The following ANO2 variants were observed in gnomAD, a reference collection of about 807,000 sequenced individuals.
ANO2 encodes anoctamin-2.
ANO2 carries 101 observed loss-of-function variants against 124.2 expected under a neutral mutation model. That is an observed-to-expected ratio of 0.81 (90% CI 0.69 to 0.96). The LOEUF is 0.96. Ranked by LOEUF, ANO2 falls within the 40% of genes least tolerant of loss-of-function variation. The probability of loss-of-function intolerance (pLI) is 0.00; values close to 1 mark genes in which losing one functional copy is unlikely to be tolerated. For synonymous variants in ANO2, 486 were observed against 482.5 expected (o/e 1.01, Z -0.09); for missense variants, 1,293 against 1,274.5 (o/e 1.01, Z -0.22).
At chr12:5,677,812 G>A (rs1948314168) in intron 14 of ANO2, among the ~76,000 whole-genome samples, 1 of 152,136 alleles carries the variant, frequency 6.6e-6, no homozygotes, top group South Asian at 2.1e-4. Context: ...TGGAAAATAG[G>A]GCCCTCTTCC....
chr12:5,685,665 C>T (rs886461082), intron 14 of ANO2, among the ~76,000 whole-genome samples: 4 of 152,166 alleles, frequency 2.6e-5, no homozygotes, highest in Non-Finnish European at 5.9e-5. Flanking sequence ...ATGCCACCCA[C>T]AGTCCAGCTA....
At chr12:5,821,248 A>C (rs1429271594) in intron 7 of ANO2, among the ~76,000 whole-genome samples, 1 of 152,214 alleles carries the variant, frequency 6.6e-6, no homozygotes, top group Non-Finnish European at 1.5e-5. Flanking sequence ...CTAGGGGTCC[A>C]GTGCTGTGGG....
chr12:5,663,917 C>CT (rs1426762638), intron 14 of ANO2, among the ~76,000 whole-genome samples: 2 of 152,150 alleles, frequency 1.3e-5, no homozygotes, highest in African/African-American at 4.8e-5. Context: ...GGGGACTGGG[C>CT]TATGACCTTT....
chr12:5,862,621 G>T lies in ANO2; in HGVS notation c.535-8480C>A, dbSNP rs562355463. 1.3e-5 allele frequency among the ~76,000 whole-genome samples: 2 copies of T among 152,276 alleles called. No homozygotes were observed. The highest frequency in any genetic ancestry group is 3.9e-4 in the East Asian group (2 of 5,176). On this transcript the variant is annotated intron_variant, in intron 3 of 24. Transcript: ENST00000682330. This position sits in a 1 kb window ranked among gnomAD's most constrained non-coding sequence, Gnocchi z 4.0. ...CAACCCTCTGATAGGGTCTGACTCTGTCCCTGCCCAAATCTCATCTTGAAT... is the reference window on the plus strand; with the variant it reads ...CAACCCTCTGATAGGGTCTGACTCTTTCCCTGCCCAAATCTCATCTTGAAT...
intron 10 of ANO2, among the ~76,000 whole-genome samples, chr12:5,752,435 G>A (rs1043492298): frequency 1.3e-5 from 2 of 152,132 alleles, no homozygotes; most frequent in African/African-American, 4.8e-5. Flanking sequence ...CTGTGGTTTT[G>A]ATTTGCATTT....
chr12:5,721,392 C>T (rs1950229747), intron 14 of ANO2, among the ~76,000 whole-genome samples: 1 of 152,214 alleles, frequency 6.6e-6, no homozygotes, highest in Non-Finnish European at 1.5e-5. Context: ...TAAATTCCTG[C>T]AACTTTAAAA....
intron 10 of ANO2, among the ~76,000 whole-genome samples, chr12:5,788,345 A>C (rs899946552): frequency 2.0e-5 from 3 of 152,234 alleles, no homozygotes; most frequent in African/African-American, 7.2e-5. Flanking sequence ...ATGTAATAAC[A>C]GTTAACTAGT....
At chr12:5,624,702 A>G (rs1278031941) in intron 16 of ANO2, among the ~76,000 whole-genome samples, 2 of 152,162 alleles carry the variant, frequency 1.3e-5, no homozygotes, top group African/African-American at 4.8e-5. Context: ...CAATCCAATC[A>G]GCTCCCGCCG....
At chr12:5,722,633 T>A (rs1950277196) in intron 14 of ANO2, among the ~76,000 whole-genome samples, 1 of 152,242 alleles carries the variant, frequency 6.6e-6, no homozygotes, top group Non-Finnish European at 1.5e-5. Context: ...TAATTCCATG[T>A]CACTTCTGTG....
chr12:5,925,758 ATCCT>A lies in ANO2; in HGVS notation c.23-2958_23-2955del, dbSNP rs1453928062. Among the ~76,000 whole-genome samples the A allele has an allele frequency of 3.9e-5, 6 of 152,126 alleles. No individual in the cohort carries two copies. The highest frequency in any genetic ancestry group is 1.4e-4 in the African/African-American group (6 of 41,414). On this transcript the variant is annotated intron_variant, in intron 1 of 24. Coordinates refer to ENST00000682330, the MANE Select transcript of ANO2 (RefSeq NM_001364791.2). This position sits in a 1 kb window ranked among gnomAD's most constrained non-coding sequence, Gnocchi z 4.6. ...CCTTCCACGCTGCCTTGAACAACAG[ATCCT>A]TGGGTGTTCATAACTGCAATGCCGT...
At chr12:5,621,893 G>A (rs1181855506) in intron 16 of ANO2, among the ~76,000 whole-genome samples, 1 of 152,056 alleles carries the variant, frequency 6.6e-6, no homozygotes, top group African/African-American at 2.4e-5. Flanking sequence ...AGGGAAGGAA[G>A]AAAGGGAGAA....
intron 16 of ANO2, among the ~76,000 whole-genome samples, chr12:5,622,857 G>A (rs1050558434): frequency 1.3e-5 from 2 of 151,908 alleles, no homozygotes; most frequent in African/African-American, 4.8e-5. Context: ...CCAGCTACTC[G>A]GGAGGCTGAG....
At chr12:5,628,570 T>C (rs1945529318) in intron 16 of ANO2, among the ~76,000 whole-genome samples, 1 of 151,988 alleles carries the variant, frequency 6.6e-6, no homozygotes, top group Non-Finnish European at 1.5e-5. Context: ...TAAATGGGAG[T>C]ATTAAGATTA....
intron 4 of ANO2, among the ~76,000 whole-genome samples, chr12:5,834,244 C>T (rs1342621356): frequency 6.6e-6 from 1 of 152,208 alleles, no homozygotes; most frequent in Non-Finnish European, 1.5e-5. Context: ...ATCTGTCAGG[C>T]TGCAATAGAC....
chr12:5,831,298 T>C (rs141177054), intron 5 of ANO2, among the ~76,000 whole-genome samples: 149 of 152,236 alleles, frequency 9.8e-4, no homozygotes, highest in African/African-American at 3.4e-3. Flanking sequence ...GTGCTTCTGG[T>C]TGGGAAGAGC....
chr12:5,717,312 A>C (rs565523804), intron 14 of ANO2, among the ~76,000 whole-genome samples: 1 of 152,286 alleles, frequency 6.6e-6, no homozygotes, highest in South Asian at 2.1e-4. Context: ...GCCCAAATTG[A>C]CCCAGAGGGT....
intron 14 of ANO2, among the ~76,000 whole-genome samples, chr12:5,687,581 A>C (rs10774365): frequency 0.76 from 115,253 of 152,096 alleles, 43,813 homozygotes; most frequent in Middle Eastern, 0.79. Context: ...GTTATGGATG[A>C]TTTGGCTCTA....
chr12:5,658,305 G>C lies in ANO2; in HGVS notation c.1546-10504C>G, dbSNP rs1453130156. 6.6e-6 allele frequency among the ~76,000 whole-genome samples: 1 copy of C among 152,164 alleles called. No individual in the cohort carries two copies. The highest frequency in any genetic ancestry group is 2.4e-5 in the African/African-American group (1 of 41,412). On this transcript the variant is annotated intron_variant, in intron 14 of 24. Transcript: ENST00000682330. The surrounding 1 kb of genome is among the most constrained non-coding windows in gnomAD (Gnocchi z 4.3). ...GATTGCTGCTATGGAGATGAAATGA[G>C]GTAATGCATGGAATATACATAGAAC...
chr12:5,595,404 G>A (rs1943611868), intron 20 of ANO2, among the ~76,000 whole-genome samples: 1 of 150,068 alleles, frequency 6.7e-6, no homozygotes, highest in Admixed American at 6.6e-5. Flanking sequence ...TTTCCTTTTT[G>A]TAGAGACAGG....
Sources: gnomAD v4.1 joint callset for allele counts (sites outside exome capture counted in the v4.1 genomes callset) on GRCh38, gnomAD v4.1.1 for gene constraint, Gnocchi (gnomAD v3.1) non-coding constraint, MANE v1.5 for transcripts, NCBI Gene and HGNC (gene_info 2026-07-23, HGNC 2026-07-21) for gene names.